The following POLK variants were observed in gnomAD, a reference collection of about 807,000 sequenced individuals.
POLK encodes DNA polymerase kappa, also known as polymerase (DNA directed) kappa.
POLK carries 76 observed loss-of-function variants against 94.0 expected under a neutral mutation model. The observed-to-expected ratio is 0.81, with a 90% CI of 0.67 to 0.98. The LOEUF (loss-of-function observed/expected upper bound fraction) is 0.98, where lower values mean the gene tolerates loss of function less well. Among genes scored for constraint, POLK ranks in the 50% least tolerant of loss-of-function variants. POLK has a pLI of 0.00. For synonymous variants in POLK, 349 were observed against 325.4 expected, an observed-to-expected ratio of 1.07 and a Z score of -0.78; for missense variants, 954 against 1,010.1, an observed-to-expected ratio of 0.94 and a Z score of 0.75.
chr5:75,518,919 A>G (rs1204006633), intron 1 of POLK, among the ~76,000 whole-genome samples: 1 of 152,118 alleles, frequency 6.6e-6, no homozygotes, highest in Non-Finnish European at 1.5e-5. Flanking sequence ...ATCATGACCC[A>G]CTGCATCCTC....
At chr5:75,511,995 C>T in intron 1 of POLK, 81 bp downstream of exon 1, 2 of 585,802 alleles carry the variant, frequency 3.4e-6, no homozygotes, top group Non-Finnish European at 6.1e-6. Flanking sequence ...AGTTGCGTGA[C>T]CAGCCCCTCG....
At chr5:75,601,369 A>AT (rs1245502565), downstream of POLK, among the ~76,000 whole-genome samples, 1 of 151,852 alleles carries the variant, frequency 6.6e-6, no homozygotes, top group East Asian at 1.9e-4. Context: ...TAGACCAAAT[A>AT]TTTTTTTGCC....
At chr5:75,530,396 C>CTTTTTTTTTTTTTTTTT (rs201266079) in intron 1 of POLK, among the ~76,000 whole-genome samples, 5 of 61,626 alleles carry the variant, frequency 8.1e-5, no homozygotes, top group Non-Finnish European at 1.3e-4. Flanking sequence ...TTCCCTTTTT[C>CTTTTTTTTTTTTTTTTT]TTTTTTTTTT....
intron 1 of POLK, among the ~76,000 whole-genome samples, chr5:75,533,976 G>T (rs548807233): frequency 6.6e-6 from 1 of 152,228 alleles, no homozygotes; most frequent in East Asian, 1.9e-4. Context: ...ACATCAAGGA[G>T]CTTTTGGAGC....
chr5:75,596,397 T>A, exon 13 of POLK: 1 of 1,613,924 alleles, frequency 6.2e-7, no homozygotes, highest in East Asian at 2.2e-5. Context: ...AGAGTTTCTT[T>A]GATAAAAAAC....
chr5:75,555,507 T>C (rs1770574319), intron 3 of POLK, among the ~76,000 whole-genome samples: 1 of 152,156 alleles, frequency 6.6e-6, no homozygotes, highest in Admixed American at 6.5e-5. Flanking sequence ...TCATTTATTT[T>C]ATGTACTGAA....
intron 1 of POLK, among the ~76,000 whole-genome samples, chr5:75,525,283 T>C (rs1768781993): frequency 6.6e-6 from 1 of 152,194 alleles, no homozygotes; most frequent in African/African-American, 2.4e-5. Flanking sequence ...AATATGTTTG[T>C]ATCATTATAA....
chr5:75,542,621 A>G (rs1769796828), intron 1 of POLK, among the ~76,000 whole-genome samples: 1 of 149,636 alleles, frequency 6.7e-6, no homozygotes, highest in Admixed American at 6.7e-5. Flanking sequence ...ATACACATAT[A>G]TATACACATA....
intron 3 of POLK, among the ~76,000 whole-genome samples, chr5:75,561,622 G>A (rs1466516586): frequency 6.6e-6 from 1 of 152,152 alleles, no homozygotes; most frequent in Non-Finnish European, 1.5e-5. Flanking sequence ...TTTTCCTCTA[G>A]GGTTTTTATG....
intron 1 of POLK, among the ~76,000 whole-genome samples, chr5:75,527,494 T>A (rs1044518378): frequency 9.9e-5 from 12 of 120,956 alleles, no homozygotes; most frequent in East Asian, 2.2e-4. Flanking sequence ...AAAAAAAAAA[T>A]TTATATATAC....
intron 3 of POLK, among the ~76,000 whole-genome samples, chr5:75,563,360 T>C (rs1771090610): frequency 1.3e-5 from 2 of 152,240 alleles, no homozygotes; most frequent in South Asian, 2.1e-4. Flanking sequence ...CCTGAACTCA[T>C]TGATTTTTTT....
At chr5:75,596,457 G>A (rs1442418948) in exon 13 of POLK, 48 of 1,613,810 alleles carry the variant, frequency 3.0e-5, no homozygotes, top group Non-Finnish European at 4.1e-5. Context: ...GTGAAGCCGT[G>A]AATAAACAAA....
intron 4 of POLK, among the ~76,000 whole-genome samples, chr5:75,573,515 A>C (rs569781934): frequency 6.6e-6 from 1 of 152,112 alleles, no homozygotes; most frequent in South Asian, 2.1e-4. Flanking sequence ...AAGTATAATT[A>C]AAAAAATATA....
At chr5:75,535,475 T>C (rs1769394560) in intron 1 of POLK, among the ~76,000 whole-genome samples, 1 of 152,214 alleles carries the variant, frequency 6.6e-6, no homozygotes, top group Non-Finnish European at 1.5e-5. Context: ...CTGCATTTCC[T>C]GAATTTGAAT....
chr5:75,520,688 A>C (rs566064386), intron 1 of POLK, among the ~76,000 whole-genome samples: 89 of 152,338 alleles, frequency 5.8e-4, no homozygotes, highest in African/African-American at 2.0e-3. Context: ...CATGAACCAC[A>C]GTGCCTGTAA....
intron 3 of POLK, among the ~76,000 whole-genome samples, chr5:75,564,767 T>G (rs1223527028): frequency 6.6e-6 from 1 of 152,232 alleles, no homozygotes; most frequent in African/African-American, 2.4e-5. Context: ...GTTATTCTGA[T>G]GGACTTCCCT....
chr5:75,531,906 A>T (rs1769201512), intron 1 of POLK, among the ~76,000 whole-genome samples: 1 of 152,176 alleles, frequency 6.6e-6, no homozygotes, highest in African/African-American at 2.4e-5. Context: ...TCAAGTTATT[A>T]TCTAGGGCAG....
At chr5:75,564,315 G>A (rs1218887540) in intron 3 of POLK, among the ~76,000 whole-genome samples, 1 of 150,808 alleles carries the variant, frequency 6.6e-6, no homozygotes, top group Non-Finnish European at 1.5e-5. Context: ...TTGAGCCGTT[G>A]TGTGTCTTTG....
At chr5:75,595,203 G>A (rs193171729) in intron 12 of POLK, among the ~76,000 whole-genome samples, 2 of 133,262 alleles carry the variant, frequency 1.5e-5, no homozygotes, top group East Asian at 2.3e-4. Flanking sequence ...CTGAGATCAC[G>A]CTGTTGCACT....
Sources: gnomAD v4.1 joint callset for allele counts (sites outside exome capture counted in the v4.1 genomes callset) on GRCh38, gnomAD v4.1.1 for gene constraint, MANE v1.5 for transcripts, NCBI Gene and HGNC (gene_info 2026-07-23, HGNC 2026-07-21) for gene names.